Variants in VPS37C observed in about 807,000 individuals in gnomAD.
VPS37C encodes the protein VPS37C subunit of ESCRT-I.
Under a neutral mutation model 16.1 loss-of-function variants are expected in VPS37C, and 9 were observed. That is an observed-to-expected ratio of 0.56 (90% CI 0.34 to 0.97). The LOEUF is 0.97. Among genes scored for constraint, VPS37C ranks in the 50% least tolerant of loss-of-function variants. The pLI is 0.02. For synonymous variants in VPS37C, 207 were observed against 206.4 expected (o/e 1.00, Z -0.02); for missense variants, 479 against 472.7 (o/e 1.01, Z -0.12).
chr11:61,138,656 T>C, intron 2 of VPS37C, 81 bp downstream of exon 2: 7 of 1,374,130 alleles, frequency 5.1e-6, no homozygotes, highest in South Asian at 1.2e-5. Flanking sequence ...AAACTTCCAA[T>C]AAGCCAGCAT....
intron 1 of VPS37C, among the ~76,000 whole-genome samples, chr11:61,157,366 C>T (rs1420311212): frequency 6.6e-6 from 1 of 152,170 alleles, no homozygotes; most frequent in African/African-American, 2.4e-5. Flanking sequence ...AAAGCACAAG[C>T]GTTTCAATTT....
intron 1 of VPS37C, chr11:61,145,027 C>T (rs1383048102): frequency 1.3e-5 from 2 of 152,230 alleles, no homozygotes; most frequent in African/African-American, 4.8e-5. Flanking sequence ...CAAACAAACC[C>T]TTACATGGCT....
intron 1 of VPS37C, among the ~76,000 whole-genome samples, chr11:61,149,941 G>A (rs1362353514): frequency 1.3e-5 from 2 of 152,136 alleles, no homozygotes; most frequent in Admixed American, 1.3e-4. Context: ...CCACTCAGCC[G>A]GCTGGGAGGC....
intron 1 of VPS37C, among the ~76,000 whole-genome samples, chr11:61,156,425 A>T (rs1265925030): frequency 6.6e-6 from 1 of 152,162 alleles, no homozygotes; most frequent in Non-Finnish European, 1.5e-5. Context: ...TCTACTAAAA[A>T]TACCAAAAAA....
At chr11:61,138,891 C>G in intron 1 of VPS37C, 56 bp from the exon 2 acceptor site, 1 of 1,519,798 alleles carries the variant, frequency 6.6e-7, no homozygotes, top group Non-Finnish European at 9.1e-7. Flanking sequence ...GAAGGGACCC[C>G]CGAGCCTGTA....
chr11:61,133,732 T>C (rs1287613753), intron 3 of VPS37C, among the ~76,000 whole-genome samples: 2 of 152,114 alleles, frequency 1.3e-5, no homozygotes, highest in Non-Finnish European at 2.9e-5. Context: ...CCAGAGCAGC[T>C]CAGGAACAGC....
At position 61,134,024 on chromosome 11, in the gene VPS37C, G is replaced by A. The variant is rs186176428; in HGVS notation, c.265+12C>T. ...GAATGGGGACCCTGAGTTCACAGAG[G>A]AGCCACCCTACCCAGCTTTGCCTTC... On this transcript the variant is annotated intron_variant, in intron 3 of 4. Transcript: ENST00000301765. 231 of 1,600,176 alleles carry A rather than the reference G, an allele frequency of 1.4e-4. 2 individuals carry two copies. In the East Asian group the frequency reaches 1.5e-3, roughly 10 times the overall value.
At chr11:61,160,784 T>C (rs1328899683) in intron 1 of VPS37C, among the ~76,000 whole-genome samples, 2 of 152,198 alleles carry the variant, frequency 1.3e-5, no homozygotes, top group East Asian at 1.9e-4. Flanking sequence ...TGGGTATGTA[T>C]ACATCAGTGC....
intron 1 of VPS37C, among the ~76,000 whole-genome samples, chr11:61,157,821 C>T (rs1445817577): frequency 6.6e-6 from 1 of 152,206 alleles, no homozygotes; most frequent in East Asian, 1.9e-4. Context: ...CCTAGTGAGA[C>T]ATGTTTAGGT....
chr11:61,133,395 A>C (rs1861308774), intron 3 of VPS37C, 58 bp from the exon 4 acceptor site: 1 of 1,563,602 alleles, frequency 6.4e-7, no homozygotes, highest in East Asian at 2.3e-5. Context: ...TCAGTGTTAA[A>C]GGCACTTTGC....
At chr11:61,133,847 C>T (rs1685465917) in intron 3 of VPS37C, among the ~76,000 whole-genome samples, 189 bp downstream of exon 3, 1 of 152,214 alleles carries the variant, frequency 6.6e-6, no homozygotes, top group Non-Finnish European at 1.5e-5. Flanking sequence ...GCTGGGTGAC[C>T]TTAGTCAAGT....
intron 1 of VPS37C, among the ~76,000 whole-genome samples, chr11:61,156,476 T>G (rs1590795968): frequency 6.6e-6 from 1 of 152,184 alleles, no homozygotes; most frequent in Non-Finnish European, 1.5e-5. Flanking sequence ...ATCCCAGCTC[T>G]CAGGAAGCTG....
chr11:61,149,888 G>A (rs1243085104), intron 1 of VPS37C, among the ~76,000 whole-genome samples: 1 of 152,174 alleles, frequency 6.6e-6, no homozygotes, highest in Non-Finnish European at 1.5e-5. Context: ...TGTGCCAAAT[G>A]GTGGGAGGCA....
At chr11:61,157,488 T>C (rs1348687724) in intron 1 of VPS37C, among the ~76,000 whole-genome samples, 1 of 152,232 alleles carries the variant, frequency 6.6e-6, no homozygotes, top group African/African-American at 2.4e-5. Flanking sequence ...CCATAATGAC[T>C]AGTGATGTTG....
intron 1 of VPS37C, among the ~76,000 whole-genome samples, chr11:61,159,565 CG>C (rs2134662408): frequency 6.6e-6 from 1 of 152,038 alleles, no homozygotes; most frequent in Non-Finnish European, 1.5e-5. Context: ...GAGGCCAAAG[CG>C]GGTGGATCAC....
Position 61,138,835 on chromosome 11 carries a change from C to T in VPS37C, c.-6G>A, listed in dbSNP as rs748044050. Reference sequence around the variant, plus strand: ...TTATCCTTCAGCGTCTCCATCCTTCCCTGTGAACACAGTGACACCAAAGTA... The same window carrying T: ...TTATCCTTCAGCGTCTCCATCCTTCTCTGTGAACACAGTGACACCAAAGTA... On this transcript the variant is annotated splice_region_variant and 5_prime_UTR_variant, in exon 2 of 5. Transcript: ENST00000301765. 2 of 1,613,558 alleles carry T rather than the reference C, an allele frequency of 1.2e-6. No individual in the cohort carries two copies. Among genetic ancestry groups the T allele is most frequent in the African/African-American group, 2.7e-5 (2 of 74,884 alleles).
Position 61,134,042 on chromosome 11 carries a change from T to C in VPS37C, c.259A>G (p.Lys87Glu), listed in dbSNP as rs747552753. Residue 87 changes from lysine (K) to glutamate (E), a missense_variant, in exon 3 of 5, where the codon AAG (lysine) becomes GAG (glutamate). Transcript: ENST00000301765. ...CACAGAGGAGCCACCCTACCCAGCT[T>C]TGCCTTCTGCTCCTGGCACCGCTCC... ...LVERCQEQKAKLEKFSSALQP... is the reference protein window; with the variant it reads ...LVERCQEQKAELEKFSSALQP... 1.9e-6 allele frequency: 3 copies of C among 1,610,024 alleles called. No homozygotes were observed. In the South Asian group the frequency reaches 3.3e-5, roughly 18 times the overall value.
At chr11:61,136,812 C>A (rs562791829) in intron 2 of VPS37C, among the ~76,000 whole-genome samples, 1 of 152,218 alleles carries the variant, frequency 6.6e-6, no homozygotes, top group African/African-American at 2.4e-5. Context: ...CAAAACTCAA[C>A]AAGAAGTATC....
In VPS37C at chr11:61,134,133, G is replaced by T. The variant is rs1861322423; in HGVS notation, c.168C>A (p.Phe56Leu). 3.7e-6 allele frequency: 6 copies of T among 1,613,946 alleles called. No individual in the cohort carries two copies. The East Asian group carries it at 1.3e-4, about 36-fold the overall frequency. Reference sequence around the variant, plus strand: ...AGCGGCTGATCTCCAGGGGACCCTGGAACTCCAAGTTCCGCTCTGCCAGGC... The same window carrying T: ...AGCGGCTGATCTCCAGGGGACCCTGTAACTCCAAGTTCCGCTCTGCCAGGC... ...NRSLAERNLE[F>L]QGPLEISRSN... is the part of the protein sequence containing the mutation. The change falls in exon 3 of 5, where the codon TTC becomes TTA. Residue 56 changes from phenylalanine to leucine, a missense_variant. Transcript: ENST00000301765.
Sources: allele counts gnomAD v4.1 joint callset (sites outside exome capture counted in the v4.1 genomes callset), GRCh38; gene constraint gnomAD v4.1.1; transcripts MANE v1.5; gene names NCBI Gene and HGNC (gene_info 2026-07-23, HGNC 2026-07-21).